NLGN1: variants seen among roughly 807,000 people sequenced by gnomAD.
NLGN1 encodes the protein neuroligin 1.
In NLGN1, 12 loss-of-function variants were observed where a neutral mutation model predicts 65.5. That is an observed-to-expected ratio of 0.18 (90% confidence interval 0.12 to 0.30). The LOEUF is 0.30. Among genes scored for constraint, NLGN1 ranks in the 10% least tolerant of loss-of-function variants. The pLI, the probability that NLGN1 is intolerant of heterozygous loss-of-function variation, is 1.00. For synonymous variants in NLGN1, 350 were observed against 359.5 expected (o/e 0.97, Z 0.30); for missense variants, 750 against 1,007.1 (o/e 0.74, Z 3.46).
intron 3 of NLGN1, among the ~76,000 whole-genome samples, chr3:173,662,271 C>T (rs921822504): frequency 1.4e-4 from 21 of 152,068 alleles, no homozygotes; most frequent in African/African-American, 2.9e-4. Context: ...TTAATACATA[C>T]GGCAGTAATA....
intron 4 of NLGN1, among the ~76,000 whole-genome samples, chr3:174,242,007 C>G (rs190823632): frequency 9.7e-4 from 147 of 152,268 alleles, no homozygotes; most frequent in Non-Finnish European, 1.7e-3. Context: ...CACAGTAGCT[C>G]TGTTTCATGA....
intron 4 of NLGN1, among the ~76,000 whole-genome samples, chr3:173,890,384 G>A (rs1442347337): frequency 2.0e-5 from 3 of 152,092 alleles, no homozygotes; most frequent in Non-Finnish European, 2.9e-5. Context: ...AGGTTGGGCC[G>A]GAGACCGCAG....
chr3:173,463,947 T>G (rs1265770715), intron 2 of NLGN1, among the ~76,000 whole-genome samples: 1 of 151,982 alleles, frequency 6.6e-6, no homozygotes, highest in Admixed American at 6.6e-5. Context: ...AATATACATT[T>G]TTCAAAATTC....
At chr3:173,518,425 G>A (rs994175762) in intron 2 of NLGN1, among the ~76,000 whole-genome samples, 1 of 150,612 alleles carries the variant, frequency 6.6e-6, no homozygotes, top group South Asian at 2.1e-4. Context: ...TACATTTACT[G>A]TAACTAATTA....
At chr3:173,544,659 G>GA (rs1274703156) in intron 2 of NLGN1, among the ~76,000 whole-genome samples, 2 of 151,922 alleles carry the variant, frequency 1.3e-5, no homozygotes, top group Non-Finnish European at 2.9e-5. Flanking sequence ...ACCATTATAA[G>GA]AAAGACCAGG....
chr3:173,672,508 G>T (rs1268010278), intron 3 of NLGN1, among the ~76,000 whole-genome samples: 1 of 152,148 alleles, frequency 6.6e-6, no homozygotes, highest in African/African-American at 2.4e-5. Flanking sequence ...AATGGCTTTG[G>T]ACAAGTTATT....
chr3:174,060,951 G>A (rs529563436), intron 4 of NLGN1, among the ~76,000 whole-genome samples: 137 of 152,118 alleles, frequency 9.0e-4, no homozygotes, highest in African/African-American at 3.1e-3. Context: ...GGTTTGTTGA[G>A]GGTAGCTTAC....
At chr3:173,734,498 G>A (rs966253622) in intron 3 of NLGN1, among the ~76,000 whole-genome samples, 1 of 145,932 alleles carries the variant, frequency 6.9e-6, no homozygotes, top group Non-Finnish European at 1.5e-5. Context: ...CTGGGCTCAA[G>A]TCGTTCTCCT....
intron 4 of NLGN1, among the ~76,000 whole-genome samples, chr3:173,864,173 C>G (rs1467255417): frequency 6.6e-6 from 1 of 151,978 alleles, no homozygotes; most frequent in Non-Finnish European, 1.5e-5. Context: ...GATAATATGC[C>G]CCTTAGTTTC....
intron 4 of NLGN1, among the ~76,000 whole-genome samples, chr3:174,204,752 C>G (rs1342408832): frequency 6.6e-6 from 1 of 152,202 alleles, no homozygotes; most frequent in East Asian, 1.9e-4. Flanking sequence ...TCTTTCATCT[C>G]TAAAACAGCT....
At chr3:174,233,614 T>G (rs1350804462) in intron 4 of NLGN1, among the ~76,000 whole-genome samples, 1 of 152,122 alleles carries the variant, frequency 6.6e-6, no homozygotes, top group East Asian at 1.9e-4. Context: ...TGACATATTC[T>G]TACACTAGGG....
chr3:173,767,828 C>A (rs1578336230), intron 3 of NLGN1, among the ~76,000 whole-genome samples: 1 of 151,962 alleles, frequency 6.6e-6, no homozygotes, highest in Non-Finnish European at 1.5e-5. Context: ...TGCGTCTAGA[C>A]AAATCATTTG....
chr3:174,042,731 T>A (rs899689643), intron 4 of NLGN1, among the ~76,000 whole-genome samples: 2 of 152,192 alleles, frequency 1.3e-5, no homozygotes, highest in Non-Finnish European at 2.9e-5. Flanking sequence ...AATAAACATT[T>A]TTATGATGTC....
At chr3:174,081,408 T>C (rs1015298774) in intron 4 of NLGN1, among the ~76,000 whole-genome samples, 5 of 152,230 alleles carry the variant, frequency 3.3e-5, no homozygotes, top group African/African-American at 9.6e-5. Flanking sequence ...TGGTGTCTGC[T>C]GAGGCCCACT....
chr3:173,996,251 G>T (rs760458260), intron 4 of NLGN1, among the ~76,000 whole-genome samples: 3 of 152,060 alleles, frequency 2.0e-5, no homozygotes, highest in Admixed American at 6.6e-5. Context: ...TTAAAATTAC[G>T]TCTATTTTAA....
intron 2 of NLGN1, among the ~76,000 whole-genome samples, chr3:173,439,160 G>T (rs557797276): frequency 6.6e-6 from 1 of 152,116 alleles, no homozygotes; most frequent in Admixed American, 6.6e-5. Context: ...GTTTGCACAA[G>T]GGAAGAATTT....
At chr3:174,176,545 G>A (rs1026485426) in intron 4 of NLGN1, among the ~76,000 whole-genome samples, 18 of 151,942 alleles carry the variant, frequency 1.2e-4, no homozygotes, top group African/African-American at 4.3e-4. Context: ...AAAAGAGAGA[G>A]CCATTTTAGC....
chr3:173,783,176 A>G, intron 3 of NLGN1, among the ~76,000 whole-genome samples: 1 of 152,118 alleles, frequency 6.6e-6, no homozygotes, highest in East Asian at 1.9e-4. Flanking sequence ...GAGAAGCATG[A>G]TTTTTTACTG....
intron 1 of NLGN1, among the ~76,000 whole-genome samples, chr3:173,416,741 T>C (rs1475538869): frequency 6.6e-6 from 1 of 152,144 alleles, no homozygotes; most frequent in African/African-American, 2.4e-5. Context: ...GCAAATAATA[T>C]TTGTATTCTT....
Sources: allele counts gnomAD v4.1 joint callset (sites outside exome capture counted in the v4.1 genomes callset), GRCh38; gene constraint gnomAD v4.1.1; transcripts MANE v1.5; gene names NCBI Gene and HGNC (gene_info 2026-07-23, HGNC 2026-07-21).